PRMT9: variants seen among roughly 807,000 people sequenced by gnomAD.
The protein encoded by PRMT9 is protein arginine methyltransferase 9.
In PRMT9, 59 loss-of-function variants were observed where a neutral mutation model predicts 83.2. That is an observed-to-expected ratio of 0.71 (90% confidence interval 0.57 to 0.88). The LOEUF is 0.88. Ranked by LOEUF, PRMT9 falls within the 40% of genes least tolerant of loss-of-function variation. The pLI is 0.00. For missense variants in PRMT9, 947 were observed against 1,021.9 expected (o/e 0.93, Z 1.00); for synonymous variants, 333 against 353.2 (o/e 0.94, Z 0.64).
chr4:147,681,734 C>A (rs1736482032), intron 1 of PRMT9, among the ~76,000 whole-genome samples: 1 of 151,438 alleles, frequency 6.6e-6, no homozygotes, highest in Non-Finnish European at 1.5e-5. Context: ...TTGCAGTGAA[C>A]CGAGATCGCA....
At chr4:147,681,857 C>T (rs558500436) in intron 1 of PRMT9, among the ~76,000 whole-genome samples, 6 of 151,574 alleles carry the variant, frequency 4.0e-5, no homozygotes, top group East Asian at 3.9e-4. Flanking sequence ...TTGGTGTGGC[C>T]GGAGTTTGGG....
intron 4 of PRMT9, among the ~76,000 whole-genome samples, chr4:147,671,556 G>T (rs1397362266): frequency 6.6e-6 from 1 of 152,198 alleles, no homozygotes; most frequent in Non-Finnish European, 1.5e-5. Flanking sequence ...TAAGTTCCTT[G>T]AGGGTAAGAA....
At chr4:147,683,739 T>A in intron 1 of PRMT9, 60 bp downstream of exon 1, 397 of 1,395,082 alleles carry the variant, frequency 2.8e-4, no homozygotes, top group East Asian at 8.1e-4. Flanking sequence ...TTTTCTGTTT[T>A]TTTTTTTTTT....
rs1177154207 is a variant in PRMT9 at position 147,654,363 on chromosome 4, C to G, written c.1534G>C (p.Asp512His). The G allele has an allele frequency of 1.9e-6, 3 of 1,614,060 alleles. No individual in the cohort carries two copies. The highest frequency in any genetic ancestry group is 2.5e-6 in the Non-Finnish European group (3 of 1,180,018). Reference sequence around the variant, plus strand: ...AATATACATGTCTGCTCTACAGCATCTGGTTTACTGGTCTGAAGGTTAGCG... The same window carrying G: ...AATATACATGTCTGCTCTACAGCATGTGGTTTACTGGTCTGAAGGTTAGCG... ...ALANLQTSKP[D>H]AVEQTCILES... Residue 512 changes from aspartate (D) to histidine (H), a missense_variant, in exon 9 of 12, where the codon GAT becomes CAT. Asp to His is a moderately conservative substitution (Grantham distance 81). Coordinates refer to ENST00000322396, the MANE Select transcript of PRMT9 (RefSeq NM_138364.4).
chr4:147,644,858 G>C (rs1234070555), intron 9 of PRMT9, among the ~76,000 whole-genome samples: 7 of 152,208 alleles, frequency 4.6e-5, no homozygotes, highest in Non-Finnish European at 8.8e-5. Context: ...CCAGTGAAAT[G>C]GAGGTGGAGG....
At chr4:147,651,565 C>A (rs939511871) in intron 9 of PRMT9, among the ~76,000 whole-genome samples, 1 of 152,102 alleles carries the variant, frequency 6.6e-6, no homozygotes, top group African/African-American at 2.4e-5. Context: ...AAAAAATGGG[C>A]AAGACTTGAA....
At chr4:147,670,896 A>C (rs965954923) in intron 4 of PRMT9, among the ~76,000 whole-genome samples, 153 bp from the exon 5 acceptor site, 1 of 152,174 alleles carries the variant, frequency 6.6e-6, no homozygotes, top group Admixed American at 6.5e-5. Context: ...CTACTACTGA[A>C]TCTTGAGGAA....
intron 2 of PRMT9, among the ~76,000 whole-genome samples, chr4:147,676,511 A>C (rs1736083233): frequency 6.6e-6 from 1 of 152,196 alleles, no homozygotes; most frequent in Non-Finnish European, 1.5e-5. Context: ...GCTGTAGCTG[A>C]TCAGGTTAGC....
chr4:147,681,425 A>G (rs1259827258), intron 1 of PRMT9, among the ~76,000 whole-genome samples: 1 of 152,220 alleles, frequency 6.6e-6, no homozygotes, highest in African/African-American at 2.4e-5. Flanking sequence ...ATCTTCACAT[A>G]TTTTATACAA....
At chr4:147,675,483 T>C (rs1302631613) in intron 2 of PRMT9, among the ~76,000 whole-genome samples, 2 of 152,196 alleles carry the variant, frequency 1.3e-5, no homozygotes, top group African/African-American at 4.8e-5. Flanking sequence ...CTTGTTCTTA[T>C]TTGCAACTAC....
At chr4:147,671,000 A>G (rs1326223064) in intron 4 of PRMT9, among the ~76,000 whole-genome samples, 1 of 151,932 alleles carries the variant, frequency 6.6e-6, no homozygotes, top group East Asian at 1.9e-4. Context: ...GGGAATGACA[A>G]ACTTCACTTG....
At chr4:147,649,140 T>C (rs997132304) in intron 9 of PRMT9, among the ~76,000 whole-genome samples, 5 of 151,210 alleles carry the variant, frequency 3.3e-5, no homozygotes, top group African/African-American at 1.2e-4. Context: ...TGACTGTTCA[T>C]GGCAGAGGGC....
intron 8 of PRMT9, among the ~76,000 whole-genome samples, chr4:147,655,491 T>G (rs2126597362): frequency 6.6e-6 from 1 of 152,220 alleles, no homozygotes; most frequent in East Asian, 1.9e-4. Flanking sequence ...AAAATGTAAA[T>G]GTATAATCGC....
intron 9 of PRMT9, among the ~76,000 whole-genome samples, chr4:147,648,827 T>C (rs1023148537): frequency 1.3e-5 from 2 of 152,132 alleles, no homozygotes; most frequent in Non-Finnish European, 2.9e-5. Flanking sequence ...GTGAATGAGA[T>C]GAATGGTGAC....
At chr4:147,638,860 A>G (rs1178342174) in intron 11 of PRMT9, 100 bp downstream of exon 11, 6 of 1,388,702 alleles carry the variant, frequency 4.3e-6, no homozygotes, top group Non-Finnish European at 5.0e-6. Context: ...ACTAGATTTA[A>G]ATCTTTAAAG....
At chr4:147,649,616 C>T (rs1467782580) in intron 9 of PRMT9, among the ~76,000 whole-genome samples, 3 of 152,266 alleles carry the variant, frequency 2.0e-5, no homozygotes, top group African/African-American at 7.2e-5. Flanking sequence ...GATTCTCCTG[C>T]CTCAGCCTCC....
chr4:147,677,578 C>T (rs527688412), intron 2 of PRMT9, among the ~76,000 whole-genome samples: 50 of 151,454 alleles, frequency 3.3e-4, no homozygotes, highest in Admixed American at 5.9e-4. Flanking sequence ...CTCAGCCTCC[C>T]GAGTAGCTGG....
rs776485785 is a variant in PRMT9, at chr4:147,673,004, T to C, written c.698A>G (p.His233Arg). 3 of 1,613,918 alleles carry C rather than the reference T, an allele frequency of 1.9e-6. No individual in the cohort carries two copies. Among genetic ancestry groups the C allele is most frequent in the Middle Eastern group, 1.6e-4 (1 of 6,082 alleles). ...NKMEAGIKLLHTKSLDIEIPK... is the reference protein window; with the variant it reads ...NKMEAGIKLLRTKSLDIEIPK... ...AATCTCTATGTCAAGTGACTTCGTA[T>C]GTAAGAGTTTGATCCCTGCTTCCAT... The change falls in exon 4 of 12, where the codon CAT (histidine) becomes CGT (arginine). Residue 233 changes from histidine to arginine, a missense_variant. Physicochemically the swap from His to Arg is conservative, Grantham distance 29. Transcript: ENST00000322396.
intron 2 of PRMT9, among the ~76,000 whole-genome samples, chr4:147,676,937 C>T (rs1000351255): frequency 2.7e-5 from 4 of 150,560 alleles, no homozygotes; most frequent in Non-Finnish European, 1.5e-5. Flanking sequence ...CCAGCTACTC[C>T]GGAGGCTGAG....
Sources: allele counts gnomAD v4.1 joint callset (sites outside exome capture counted in the v4.1 genomes callset), GRCh38; gene constraint gnomAD v4.1.1; transcripts MANE v1.5; gene names NCBI Gene and HGNC (gene_info 2026-07-23, HGNC 2026-07-21).